SPARCL1: variants seen among roughly 807,000 people sequenced by gnomAD.
SPARCL1 encodes SPARC like 1.
Under a neutral mutation model 67.1 loss-of-function variants are expected in SPARCL1, and 52 were observed. The observed-to-expected ratio is 0.78, with a 90% CI of 0.62 to 0.98. The LOEUF (loss-of-function observed/expected upper bound fraction) is 0.98, where lower values mean the gene tolerates loss of function less well. Ranked by LOEUF, SPARCL1 falls within the 50% of genes least tolerant of loss-of-function variation. SPARCL1 has a pLI of 0.00. For synonymous variants in SPARCL1, 226 were observed against 267.8 expected (o/e 0.84, Z 1.52); for missense variants, 717 against 782.4 (o/e 0.92, Z 1.00).
intron 6 of SPARCL1, 31 bp from the exon 7 acceptor site, chr4:87,490,424 T>C: frequency 1.3e-6 from 2 of 1,588,516 alleles, no homozygotes; most frequent in Non-Finnish European, 8.5e-7. Context: ...AAAAAGCTGA[T>C]AGAGCCAAAT....
chr4:87,473,664 C>T lies in SPARCL1; in HGVS notation c.*111G>A. 1 of 714,202 alleles carries T rather than the reference C, an allele frequency of 1.4e-6. No individual in the cohort carries two copies. The highest frequency in any genetic ancestry group is 2.3e-6 in the Non-Finnish European group (1 of 426,872). 44.2% of individuals were successfully genotyped at this position (714,202 alleles called of 1,614,324 possible). ...CAATTACTCTCATTGTCTTGTCATACATGCTAACATTTTGCTAAATATAAA... is the reference window on the plus strand; with the variant it reads ...CAATTACTCTCATTGTCTTGTCATATATGCTAACATTTTGCTAAATATAAA... On this transcript the variant is annotated 3_prime_UTR_variant, in exon 11 of 11. Transcript: ENST00000282470.
At chr4:87,503,675 T>A (rs1375522684) in intron 1 of SPARCL1, among the ~76,000 whole-genome samples, 1 of 122,432 alleles carries the variant, frequency 8.2e-6, no homozygotes, top group Non-Finnish European at 1.6e-5. Flanking sequence ...ATGAAGTTTT[T>A]TTTTTTCCTT....
intron 7 of SPARCL1, among the ~76,000 whole-genome samples, chr4:87,487,969 C>G (rs1258549769): frequency 6.6e-6 from 1 of 152,174 alleles, no homozygotes; most frequent in African/African-American, 2.4e-5. Flanking sequence ...CTTCTCTAAA[C>G]TGGTTATTCT....
At chr4:87,514,699 T>C (rs951135860) in intron 1 of SPARCL1, among the ~76,000 whole-genome samples, 1 of 152,238 alleles carries the variant, frequency 6.6e-6, no homozygotes, top group African/African-American at 2.4e-5. Context: ...CTAATTGTAT[T>C]TGCCACATAT....
chr4:87,502,705 T>C (rs191321694), intron 1 of SPARCL1, among the ~76,000 whole-genome samples: 340 of 152,368 alleles, frequency 2.2e-3, no homozygotes, highest in Non-Finnish European at 4.0e-3. Flanking sequence ...ATCTTTGTTT[T>C]TCCTGTTGAA....
intron 1 of SPARCL1, among the ~76,000 whole-genome samples, chr4:87,501,561 G>A (rs1355201668): frequency 6.6e-6 from 1 of 151,844 alleles, no homozygotes; most frequent in African/African-American, 2.4e-5. Flanking sequence ...ATAATTTCCA[G>A]TGTTGCTAGT....
chr4:87,482,117 T>G (rs1309288327), intron 8 of SPARCL1, among the ~76,000 whole-genome samples: 1 of 152,238 alleles, frequency 6.6e-6, no homozygotes, highest in Non-Finnish European at 1.5e-5. Context: ...ATAAGATGTT[T>G]GGACTGACTA....
At chr4:87,480,908 C>T (rs1349752299) in intron 8 of SPARCL1, among the ~76,000 whole-genome samples, 1 of 151,218 alleles carries the variant, frequency 6.6e-6, no homozygotes, top group Non-Finnish European at 1.5e-5. Flanking sequence ...GCTGCTCCTT[C>T]CCCCGATGAC....
intron 7 of SPARCL1, among the ~76,000 whole-genome samples, 193 bp from the exon 8 acceptor site, chr4:87,482,753 C>T (rs1204386486): frequency 6.6e-6 from 1 of 152,128 alleles, no homozygotes; most frequent in African/African-American, 2.4e-5. Flanking sequence ...TACCAAATGC[C>T]AGCTTCCAAT....
At position 87,479,445 on chromosome 4, in the gene SPARCL1, A is replaced by G. The variant is rs773285483; in HGVS notation, c.1951T>C (p.Phe651Leu). 1.9e-6 allele frequency: 3 copies of G among 1,613,104 alleles called. No individual in the cohort carries two copies. The Admixed American group carries it at 5.0e-5, about 27-fold the overall frequency. ...HITLKEWGHC[F>L]GIKEEDIDEN... ...ATGAATTTACCTTCTTTAATTCCAAAGCAGTGGCCCCACTCCTTCAGGGTG... is the reference window on the plus strand; with the variant it reads ...ATGAATTTACCTTCTTTAATTCCAAGGCAGTGGCCCCACTCCTTCAGGGTG... Residue 651 changes from phenylalanine to leucine, a missense_variant, in exon 10 of 11, where the codon TTT (phenylalanine) becomes CTT (leucine). Coordinates refer to ENST00000282470, the MANE Select transcript of SPARCL1 (RefSeq NM_004684.6).
chr4:87,500,021 G>T (rs1274691829), intron 1 of SPARCL1, among the ~76,000 whole-genome samples: 2 of 152,194 alleles, frequency 1.3e-5, no homozygotes, highest in African/African-American at 4.8e-5. Context: ...AATAGACCTA[G>T]AGGGTATTAA....
chr4:87,487,913 G>A (rs1283708074), intron 7 of SPARCL1, among the ~76,000 whole-genome samples: 2 of 151,890 alleles, frequency 1.3e-5, no homozygotes, highest in African/African-American at 4.8e-5. Flanking sequence ...TATGCTTCAC[G>A]AAGTTCTCGT....
chr4:87,512,710 G>A (rs2110255140), intron 1 of SPARCL1, among the ~76,000 whole-genome samples: 1 of 152,260 alleles, frequency 6.6e-6, no homozygotes. Flanking sequence ...CCAGATTGGA[G>A]AATTATGAGC....
chr4:87,501,880 G>A (rs1724866113), intron 1 of SPARCL1, among the ~76,000 whole-genome samples: 1 of 151,242 alleles, frequency 6.6e-6, no homozygotes, highest in African/African-American at 2.4e-5. Flanking sequence ...TTGATTCTCC[G>A]ATTTGCTAAT....
chr4:87,492,417 C>CA (rs1217416962), intron 4 of SPARCL1, among the ~76,000 whole-genome samples: 3,013 of 74,824 alleles, frequency 0.04, 38 homozygotes, highest in Middle Eastern at 0.059. Context: ...GACTCCGTCT[C>CA]AAAAAAAAAA....
At chr4:87,477,237 T>A (rs1008298179) in intron 10 of SPARCL1, among the ~76,000 whole-genome samples, 94 of 152,208 alleles carry the variant, frequency 6.2e-4, no homozygotes, top group Non-Finnish European at 4.4e-5. Flanking sequence ...CTGTTTAAAT[T>A]TGCCTTTTTA....
At chr4:87,492,783 GGCACAGGACT>G (rs146189035) in intron 4 of SPARCL1, among the ~76,000 whole-genome samples, 32,532 of 136,936 alleles carry the variant, frequency 0.24, 5,242 homozygotes, top group African/African-American at 0.52. Flanking sequence ...AAGTCCTGCT[GGCACAGGACT>G]TTGTGGCTGC....
chr4:87,496,606 AAT>A (rs1422433071), intron 2 of SPARCL1, among the ~76,000 whole-genome samples: 3 of 152,204 alleles, frequency 2.0e-5, no homozygotes, highest in Non-Finnish European at 1.5e-5. Context: ...ATGTATAAAA[AAT>A]ATGTTATAAA....
chr4:87,516,330 G>A (rs965445065), intron 1 of SPARCL1, among the ~76,000 whole-genome samples: 1 of 152,134 alleles, frequency 6.6e-6, no homozygotes, highest in Non-Finnish European at 1.5e-5. Context: ...GAGTCACTGA[G>A]TTTGTAAGAA....
Sources: allele counts gnomAD v4.1 joint callset (sites outside exome capture counted in the v4.1 genomes callset), GRCh38; gene constraint gnomAD v4.1.1; transcripts MANE v1.5; gene names NCBI Gene and HGNC (gene_info 2026-07-23, HGNC 2026-07-21).